Variants in UBR1 observed in about 807,000 individuals in gnomAD.
UBR1 encodes ubiquitin protein ligase E3 component n-recognin 1, also known as E3 ubiquitin-protein ligase UBR1.
In UBR1, 102 loss-of-function variants were observed where a neutral mutation model predicts 242.1. The ratio of observed to expected loss-of-function variants is 0.42; its 90% CI spans 0.36 to 0.50. UBR1 has a LOEUF of 0.50. UBR1 is among the 20% of genes least tolerant of loss of function. The pLI is 0.01. For synonymous variants in UBR1, 675 were observed against 684.8 expected, an observed-to-expected ratio of 0.99 and a Z score of 0.22; for missense variants, 1,772 against 2,101.8, an observed-to-expected ratio of 0.84 and a Z score of 3.07.
At chr15:43,031,324 A>G (rs1426206858) in intron 20 of UBR1, among the ~76,000 whole-genome samples, 1 of 152,216 alleles carries the variant, frequency 6.6e-6, no homozygotes, top group Non-Finnish European at 1.5e-5. Flanking sequence ...AAAATAAAAC[A>G]GTAAAAATAA....
At chr15:42,986,420 C>G (rs915320827) in intron 35 of UBR1, among the ~76,000 whole-genome samples, 2 of 152,138 alleles carry the variant, frequency 1.3e-5, no homozygotes, top group Non-Finnish European at 2.9e-5. Flanking sequence ...TTCCTATCTC[C>G]TTTATAACAG....
At chr15:43,099,878 CTCTT>C (rs1364191207) in intron 1 of UBR1, among the ~76,000 whole-genome samples, 1 of 149,754 alleles carries the variant, frequency 6.7e-6, no homozygotes, top group Non-Finnish European at 1.5e-5. Context: ...CAAGAGGTGC[CTCTT>C]TTTTTTTTTT....
Position 42,957,997 on chromosome 15 carries a change from T to C in UBR1, c.4835+16A>G. The C allele has an allele frequency of 6.3e-7, 1 of 1,598,356 alleles. No individual in the cohort carries two copies. On this transcript the variant is annotated intron_variant, in intron 44 of 46. Transcript: ENST00000290650. ...TGATTTAAAATTACACACATATATATACACACTCTCCTTACCTGAAATGAG... is the reference window on the plus strand; with the variant it reads ...TGATTTAAAATTACACACATATATACACACACTCTCCTTACCTGAAATGAG...
At chr15:42,970,935 G>A (rs1046578926) in intron 39 of UBR1, among the ~76,000 whole-genome samples, 2 of 152,002 alleles carry the variant, frequency 1.3e-5, no homozygotes, top group African/African-American at 4.8e-5. Flanking sequence ...GGCTGGTCTT[G>A]AAATCCTGAC....
intron 33 of UBR1, among the ~76,000 whole-genome samples, chr15:42,993,295 C>T (rs2032584336): frequency 6.6e-6 from 1 of 151,874 alleles, no homozygotes; most frequent in African/African-American, 2.4e-5. Flanking sequence ...TTTTCAGAGA[C>T]TTCAGCTGCT....
intron 6 of UBR1, among the ~76,000 whole-genome samples, chr15:43,064,157 G>A (rs985913394): frequency 2.0e-5 from 3 of 152,196 alleles, no homozygotes; most frequent in Admixed American, 6.5e-5. Context: ...CTCATTTAGA[G>A]TACCACATTT....
At chr15:43,050,132 A>G (rs2033536292) in intron 12 of UBR1, among the ~76,000 whole-genome samples, 1 of 152,032 alleles carries the variant, frequency 6.6e-6, no homozygotes, top group Admixed American at 6.6e-5. Context: ...TATTTTTTGT[A>G]GAGACAAAGT....
intron 8 of UBR1, 128 bp downstream of exon 8, chr15:43,059,571 AATC>A: frequency 9.1e-7 from 1 of 1,095,220 alleles, no homozygotes; most frequent in Non-Finnish European, 1.3e-6. Flanking sequence ...CCTGAAAATT[AATC>A]AAAGTGTATA....
chr15:42,952,864 G>A (rs1359175176), intron 44 of UBR1, among the ~76,000 whole-genome samples: 1 of 151,806 alleles, frequency 6.6e-6, no homozygotes, highest in East Asian at 1.9e-4. Context: ...GTATGCAATT[G>A]TTTAAAAGAA....
At chr15:43,090,695 A>G (rs2141364722) in intron 1 of UBR1, among the ~76,000 whole-genome samples, 1 of 151,932 alleles carries the variant, frequency 6.6e-6, no homozygotes, top group East Asian at 1.9e-4. Context: ...TATAAGAGGC[A>G]CAGAACTAGC....
intron 46 of UBR1, among the ~76,000 whole-genome samples, chr15:42,949,214 G>C (rs1016503662): frequency 1.4e-5 from 2 of 145,728 alleles, no homozygotes; most frequent in Non-Finnish European, 3.0e-5. Flanking sequence ...TCACTCATAG[G>C]TGGGAATTGA....
At chr15:43,100,762 G>A (rs999324668) in intron 1 of UBR1, among the ~76,000 whole-genome samples, 7 of 152,146 alleles carry the variant, frequency 4.6e-5, no homozygotes, top group African/African-American at 1.4e-4. Context: ...TTGAATCCGG[G>A]AGGCGGAGGT....
At chr15:43,055,044 T>C (rs2033600136) in intron 11 of UBR1, 145 bp from the exon 12 acceptor site, 3 of 974,144 alleles carry the variant, frequency 3.1e-6, no homozygotes, top group Non-Finnish European at 3.1e-6. Context: ...TTTCACTGAA[T>C]AGCAACTACT....
At chr15:42,970,981 C>A (rs761758680) in intron 39 of UBR1, among the ~76,000 whole-genome samples, 1 of 152,302 alleles carries the variant, frequency 6.6e-6, no homozygotes, top group East Asian at 1.9e-4. Flanking sequence ...TTCCAAAGTG[C>A]TGGAATTACA....
chr15:43,077,809 T>A (rs1362425300), intron 3 of UBR1, among the ~76,000 whole-genome samples: 3 of 152,150 alleles, frequency 2.0e-5, no homozygotes, highest in Non-Finnish European at 4.4e-5. Flanking sequence ...TCAGTGTTGT[T>A]GAAAAAAAAT....
At chr15:43,071,388 A>G (rs887493479) in intron 4 of UBR1, among the ~76,000 whole-genome samples, 5 of 152,232 alleles carry the variant, frequency 3.3e-5, no homozygotes, top group African/African-American at 7.2e-5. Flanking sequence ...GATTCTGCTC[A>G]TACGAAGTAT....
At chr15:43,049,943 G>A (rs556161322) in intron 12 of UBR1, among the ~76,000 whole-genome samples, 1 of 152,086 alleles carries the variant, frequency 6.6e-6, no homozygotes, top group African/African-American at 2.4e-5. Flanking sequence ...TGCTGAATAA[G>A]AAGCTTCCCT....
intron 21 of UBR1, among the ~76,000 whole-genome samples, chr15:43,028,805 C>T (rs139769142): frequency 1.6e-4 from 24 of 150,744 alleles, no homozygotes; most frequent in East Asian, 1.2e-3. Context: ...ATTCCTTGGC[C>T]GGATGCAGTA....
intron 29 of UBR1, among the ~76,000 whole-genome samples, chr15:43,009,592 G>T (rs1247893997): frequency 5.3e-5 from 8 of 152,238 alleles, no homozygotes; most frequent in Admixed American, 3.3e-4. Flanking sequence ...GGCTGGAAAA[G>T]CAACACCCTA....
Sources: gnomAD v4.1 joint callset for allele counts (sites outside exome capture counted in the v4.1 genomes callset) on GRCh38, gnomAD v4.1.1 for gene constraint, MANE v1.5 for transcripts, NCBI Gene and HGNC (gene_info 2026-07-23, HGNC 2026-07-21) for gene names.